Variants in NELL1 observed in about 807,000 individuals in gnomAD.
NELL1 encodes neural EGFL like 1.
A neutral mutation model predicts 107.4 loss-of-function variants in NELL1; 76 were observed. The observed-to-expected ratio is 0.71, with a 90% CI of 0.59 to 0.86. NELL1 has a LOEUF of 0.86. Ranked by LOEUF, NELL1 falls within the 40% of genes least tolerant of loss-of-function variation. NELL1 has a pLI of 0.00. For synonymous variants in NELL1, 353 were observed against 341.2 expected (o/e 1.03, Z -0.38); for missense variants, 1,024 against 1,005.5 (o/e 1.02, Z -0.25).
intron 12 of NELL1, among the ~76,000 whole-genome samples, chr11:20,989,605 G>A (rs573777029): frequency 6.6e-6 from 1 of 152,268 alleles, no homozygotes; most frequent in East Asian, 1.9e-4. Context: ...AAAGCATGAA[G>A]CAGTTTTATT....
intron 14 of NELL1, among the ~76,000 whole-genome samples, chr11:21,346,376 G>A (rs923569324): frequency 4.0e-5 from 6 of 151,850 alleles, no homozygotes; most frequent in Non-Finnish European, 7.4e-5. Context: ...AATTGATTGA[G>A]TTATATACTT....
chr11:20,718,592 G>A (rs1370484856), intron 2 of NELL1, among the ~76,000 whole-genome samples: 1 of 152,232 alleles, frequency 6.6e-6, no homozygotes, highest in East Asian at 1.9e-4. Flanking sequence ...GCTCTCAAGG[G>A]TCTTCCTCTT....
In NELL1 at chr11:20,700,977, A is replaced by G. The variant is rs184439440; in HGVS notation, c.184+22917A>G. On this transcript the variant is annotated intron_variant, in intron 2 of 19. Coordinates refer to ENST00000357134, the MANE Select transcript of NELL1 (RefSeq NM_006157.5). ...AGTGCCACAATAAACATACGTGTGCATGTGTCTTTATAGCAGCATGATTTA... is the reference window on the plus strand; with the variant it reads ...AGTGCCACAATAAACATACGTGTGCGTGTGTCTTTATAGCAGCATGATTTA... Among the ~76,000 whole-genome samples, 1,114 of 152,284 alleles carry G rather than the reference A, an allele frequency of 7.3e-3. 22 individuals carry two copies. The highest frequency in any genetic ancestry group is 0.025 in the African/African-American group (1,023 of 41,552).
At chr11:21,483,297 G>A (rs184310891) in intron 15 of NELL1, among the ~76,000 whole-genome samples, 12 of 152,066 alleles carry the variant, frequency 7.9e-5, no homozygotes, top group Admixed American at 2.6e-4. Context: ...GAATATAGTC[G>A]ACAGAACTGC....
intron 13 of NELL1, among the ~76,000 whole-genome samples, chr11:21,204,015 C>A (rs1412022188): frequency 6.6e-6 from 1 of 152,082 alleles, no homozygotes; most frequent in Non-Finnish European, 1.5e-5. Flanking sequence ...GTGGGTAACC[C>A]GACCTTACTC....
chr11:21,141,073 C>T (rs1369818720), intron 13 of NELL1, among the ~76,000 whole-genome samples: 1 of 152,136 alleles, frequency 6.6e-6, no homozygotes, highest in East Asian at 1.9e-4. Context: ...GAAAAATGGT[C>T]AATTTTATGG....
At chr11:21,516,545 G>A (rs1430026985) in intron 15 of NELL1, among the ~76,000 whole-genome samples, 1 of 152,192 alleles carries the variant, frequency 6.6e-6, no homozygotes, top group Non-Finnish European at 1.5e-5. Context: ...AGGCTATGTG[G>A]TACAGCCTAT....
intron 15 of NELL1, among the ~76,000 whole-genome samples, chr11:21,496,413 T>A (rs546635200): frequency 6.7e-6 from 1 of 150,106 alleles, no homozygotes; most frequent in Non-Finnish European, 1.5e-5. Flanking sequence ...CTCTTGTTTT[T>A]TTTTTTTTTT....
intron 15 of NELL1, among the ~76,000 whole-genome samples, chr11:21,523,492 G>A (rs1455061906): frequency 2.0e-5 from 3 of 152,114 alleles, no homozygotes; most frequent in South Asian, 2.1e-4. Context: ...TCCTGTGTAA[G>A]CACCAGGCTC....
intron 14 of NELL1, among the ~76,000 whole-genome samples, chr11:21,330,624 G>A (rs1850252495): frequency 6.6e-6 from 1 of 151,914 alleles, no homozygotes; most frequent in East Asian, 1.9e-4. Context: ...TGTATAATAA[G>A]TCATTTTTCC....
chr11:21,172,437 C>T (rs1856626841), intron 13 of NELL1, among the ~76,000 whole-genome samples: 4 of 151,838 alleles, frequency 2.6e-5, no homozygotes, highest in South Asian at 2.1e-4. Context: ...GCTGAATTTC[C>T]GTTGATAGCA....
intron 15 of NELL1, among the ~76,000 whole-genome samples, chr11:21,469,617 T>C (rs1854122998): frequency 6.6e-6 from 1 of 152,088 alleles, no homozygotes; most frequent in African/African-American, 2.4e-5. Flanking sequence ...ATTGAATTAA[T>C]AGGAATTAAA....
At chr11:20,674,168 A>C (rs1853989942) in intron 1 of NELL1, among the ~76,000 whole-genome samples, 1 of 152,168 alleles carries the variant, frequency 6.6e-6, no homozygotes, top group African/African-American at 2.4e-5. Context: ...GAGCGAATAT[A>C]CATGTCATAT....
At chr11:20,734,682 T>C (rs1855720659) in intron 2 of NELL1, among the ~76,000 whole-genome samples, 2 of 152,154 alleles carry the variant, frequency 1.3e-5, no homozygotes, top group South Asian at 4.1e-4. Flanking sequence ...ATCCATTAGA[T>C]GTCCACAGGG....
chr11:21,429,109 C>A (rs1272739527), intron 15 of NELL1, among the ~76,000 whole-genome samples: 1 of 152,112 alleles, frequency 6.6e-6, no homozygotes, highest in Non-Finnish European at 1.5e-5. Flanking sequence ...ATTTTTAAGG[C>A]ACTAATGTGA....
At chr11:20,961,948 C>T (rs1851300002) in intron 12 of NELL1, among the ~76,000 whole-genome samples, 1 of 152,138 alleles carries the variant, frequency 6.6e-6, no homozygotes, top group South Asian at 2.1e-4. Context: ...GAGACCAGTA[C>T]CTTGTAGGAA....
intron 15 of NELL1, among the ~76,000 whole-genome samples, chr11:21,453,012 T>A (rs919492668): frequency 5.3e-5 from 8 of 152,174 alleles, no homozygotes; most frequent in Admixed American, 5.2e-4. Context: ...AATTTGCTTT[T>A]GTCATAGAAC....
chr11:20,983,430 A>G (rs565861777), intron 12 of NELL1, among the ~76,000 whole-genome samples: 1 of 152,168 alleles, frequency 6.6e-6, no homozygotes, highest in East Asian at 1.9e-4. Flanking sequence ...AGCTCAGACC[A>G]CTTGTCTAAA....
intron 13 of NELL1, among the ~76,000 whole-genome samples, chr11:21,195,567 TAAAAAAAA>T (rs71063692): frequency 3.0e-5 from 4 of 134,662 alleles, no homozygotes; most frequent in Non-Finnish European, 4.7e-5. Flanking sequence ...TTAAGAAAAG[TAAAAAAAA>T]AAAAAAAAAA....
Sources: gnomAD v4.1 joint callset for allele counts (sites outside exome capture counted in the v4.1 genomes callset) on GRCh38, gnomAD v4.1.1 for gene constraint, MANE v1.5 for transcripts, NCBI Gene and HGNC (gene_info 2026-07-23, HGNC 2026-07-21) for gene names.